CCSAP: variants seen among roughly 807,000 people sequenced by gnomAD.
The protein encoded by CCSAP is centriole, cilia and spindle associated protein.
In CCSAP, 17 loss-of-function variants were observed where a neutral mutation model predicts 25.9. The ratio of observed to expected loss-of-function variants is 0.66; its 90% CI spans 0.45 to 0.99. The LOEUF is 0.99. Among genes scored for constraint, CCSAP ranks in the 50% least tolerant of loss-of-function variants. The pLI, the probability that CCSAP is intolerant of heterozygous loss-of-function variation, is 0.00. For missense variants in CCSAP, 339 were observed against 367.8 expected (o/e 0.92, Z 0.64); for synonymous variants, 169 against 157.1 (o/e 1.08, Z -0.57).
At chr1:229,333,332 C>T (rs2102695772) in intron 2 of CCSAP, among the ~76,000 whole-genome samples, 2 of 147,864 alleles carry the variant, frequency 1.4e-5, no homozygotes, top group South Asian at 4.2e-4. Context: ...ACTCCGGAGG[C>T]AGAGGCAGGA....
chr1:229,340,437 C>G (rs532976827), intron 2 of CCSAP: 1 of 716,410 alleles, frequency 1.4e-6, no homozygotes. Flanking sequence ...CATATCACAA[C>G]GCTGCCTAAA....
At chr1:229,338,388 G>A (rs921304983) in intron 2 of CCSAP, among the ~76,000 whole-genome samples, 1 of 152,162 alleles carries the variant, frequency 6.6e-6, no homozygotes, top group East Asian at 1.9e-4. Flanking sequence ...TACTGCACAT[G>A]TAAACTTTGC....
chr1:229,336,925 T>G (rs188917458), intron 2 of CCSAP, among the ~76,000 whole-genome samples: 1 of 152,184 alleles, frequency 6.6e-6, no homozygotes, highest in African/African-American at 2.4e-5. Context: ...AAAATTTCAA[T>G]AGAAATGTTG....
intron 2 of CCSAP, among the ~76,000 whole-genome samples, chr1:229,337,096 A>C (rs1022117591): frequency 3.9e-5 from 6 of 152,190 alleles, no homozygotes; most frequent in Non-Finnish European, 5.9e-5. Flanking sequence ...TGGAGCAGAG[A>C]AAATTATTTT....
chr1:229,337,678 A>AATATATATATATATATATAT (rs60399703), intron 2 of CCSAP, among the ~76,000 whole-genome samples: 1 of 65,548 alleles, frequency 1.5e-5, no homozygotes, highest in Non-Finnish European at 3.1e-5. Flanking sequence ...CTCAAAAAAA[A>AATATATATATATATATATAT]ATATATATAT....
At chr1:229,331,927 G>A (rs958499516) in intron 2 of CCSAP, among the ~76,000 whole-genome samples, 1 of 151,758 alleles carries the variant, frequency 6.6e-6, no homozygotes, top group Non-Finnish European at 1.5e-5. Flanking sequence ...GGGATTACAG[G>A]TGTGTGCTGG....
At chr1:229,332,845 C>T (rs1481124108) in intron 2 of CCSAP, among the ~76,000 whole-genome samples, 2 of 152,106 alleles carry the variant, frequency 1.3e-5, no homozygotes, top group African/African-American at 4.8e-5. Context: ...GAGAACACGC[C>T]CATCATCACA....
In CCSAP at chr1:229,339,954, G is replaced by GA. The variant is rs570519466; in HGVS notation, c.367+2144dup. ...AAGTCAATAGATAATGTTAAAAACT[G>GA]AAAAAAAACAATCACATGTCAATAA... On this transcript the variant is annotated intron_variant, in intron 2 of 3. Transcript: ENST00000284617. 2.4e-3 allele frequency among the ~76,000 whole-genome samples: 362 copies of GA among 151,268 alleles called. 1 individual carries two copies. The highest frequency in any genetic ancestry group is 3.7e-3 in the Non-Finnish European group (250 of 67,782).
chr1:229,342,324 GC>G lies in CCSAP; in HGVS notation c.141del (p.Trp47CysfsTer39). The G allele has an allele frequency of 6.7e-7, 1 of 1,495,486 alleles. No homozygotes were observed. 92.6% of individuals were successfully genotyped at this position (1,495,486 alleles called of 1,614,324 possible). On this transcript the variant is annotated frameshift_variant, in exon 2 of 4. Transcript: ENST00000284617. LOFTEE classifies it high-confidence loss of function. This position sits in a 1 kb window ranked among gnomAD's most constrained non-coding sequence, Gnocchi z 7.5. ...CCGGCCGGGCCCCAGTCGTCCCAGA[GC>G]CAGGGCGCGTGCGCCTGCTCCAGCA... Reference protein sequence around the residue: ...RRLLEQAHAPWLWDDWGPAGS... With the variant: ...RRLLEQAHAPXLWDDWGPAGS...
chr1:229,325,713 C>T (rs372248014), intron 3 of CCSAP, among the ~76,000 whole-genome samples: 41 of 152,276 alleles, frequency 2.7e-4, no homozygotes, highest in African/African-American at 9.1e-4. Context: ...GAAAACTGTC[C>T]GAACTGCTTA....
Position 229,342,974 on chromosome 1 carries a change from G to C in CCSAP, c.-111C>G, listed in dbSNP as rs1658379821. Reference sequence around the variant, plus strand: ...GGCCCGAGGCGCGCGTGGCGCAGCAGCTAAAGCGCAGCTCGCTCTCCCGCG... The same window carrying C: ...GGCCCGAGGCGCGCGTGGCGCAGCACCTAAAGCGCAGCTCGCTCTCCCGCG... On this transcript the variant is annotated 5_prime_UTR_variant, in exon 1 of 4. Transcript: ENST00000284617. The surrounding 1 kb of genome is among the most constrained non-coding windows in gnomAD (Gnocchi z 7.5). 6.6e-6 allele frequency: 1 copy of C among 152,554 alleles called. No homozygotes were observed. The highest frequency in any genetic ancestry group is 1.5e-5 in the Non-Finnish European group (1 of 68,166). The allele number at this position is 152,554 out of a possible 1,614,324, so 9.5% of individuals were successfully genotyped here. A position where few individuals can be genotyped will look rare whatever the true frequency, so the allele number is the denominator to read the frequency against.
intron 2 of CCSAP, among the ~76,000 whole-genome samples, chr1:229,336,748 T>C (rs1489708841): frequency 6.6e-6 from 1 of 152,196 alleles, no homozygotes; most frequent in Non-Finnish European, 1.5e-5. Context: ...AGGCAGGGAA[T>C]GGAAGACAGC....
chr1:229,328,567 A>C (rs917570591), intron 2 of CCSAP, among the ~76,000 whole-genome samples: 9 of 152,174 alleles, frequency 5.9e-5, no homozygotes, highest in African/African-American at 1.9e-4. Context: ...TCGGCCTCCC[A>C]AAGTGCTGGG....
At position 229,322,263 on chromosome 1, in the gene CCSAP, A is replaced by C. The variant is rs965001706; in HGVS notation, c.*2972T>G. 1.3e-5 allele frequency: 2 copies of C among 152,254 alleles called. No homozygotes were observed. The highest frequency in any genetic ancestry group is 4.8e-5 in the African/African-American group (2 of 41,470). 9.4% of individuals were successfully genotyped at this position (152,254 alleles called of 1,614,324 possible). On this transcript the variant is annotated 3_prime_UTR_variant, in exon 4 of 4. Coordinates refer to ENST00000284617, the MANE Select transcript of CCSAP (RefSeq NM_145257.5). ...TATCTTCTGGAAGTTATGGCTTCCA[A>C]TAACAGCCATCTTGCTTGCTCTCGT...
intron 3 of CCSAP, 48 bp from the exon 4 acceptor site, chr1:229,325,459 C>G (rs1571849080): frequency 1.3e-6 from 2 of 1,561,462 alleles, no homozygotes; most frequent in Non-Finnish European, 1.7e-6. Flanking sequence ...GGCTATTATA[C>G]TAATGTTCAA....
In CCSAP at chr1:229,342,404, T is replaced by G. The variant is rs1658360093; in HGVS notation, c.62A>C (p.Glu21Ala). The G allele has an allele frequency of 6.8e-7, 1 of 1,467,180 alleles. No homozygotes were observed. The highest frequency in any genetic ancestry group is 1.5e-5 in the African/African-American group (1 of 68,778). 90.9% of individuals were successfully genotyped at this position (1,467,180 alleles called of 1,614,324 possible). A position where few individuals can be genotyped will look rare whatever the true frequency, so the allele number is the denominator to read the frequency against. The change falls in exon 2 of 4, where the codon GAG becomes GCG. Residue 21 changes from glutamate (E) to alanine (A), a missense_variant. Glu to Ala is a moderately radical substitution (Grantham distance 107). Transcript: ENST00000284617. This position sits in a 1 kb window ranked among gnomAD's most constrained non-coding sequence, Gnocchi z 7.5. ...CTCGCGGTAGCACGGCCCGTACTCC[T>G]CCCAGCGCGGCTCCTGGTAGCGCTT... Reference protein sequence around the residue: ...YMKRYQEPRWEEYGPCYRELL... With the variant: ...YMKRYQEPRWAEYGPCYRELL...
intron 2 of CCSAP, among the ~76,000 whole-genome samples, chr1:229,333,817 G>C (rs1658137200): frequency 6.6e-6 from 1 of 151,772 alleles, no homozygotes; most frequent in East Asian, 1.9e-4. Context: ...GGAGGCAGAG[G>C]TTGCAATGAG....
At chr1:229,333,572 C>G (rs1446554799) in intron 2 of CCSAP, among the ~76,000 whole-genome samples, 3 of 151,734 alleles carry the variant, frequency 2.0e-5, no homozygotes, top group East Asian at 2.0e-4. Context: ...CCCAGCCAAA[C>G]TGGACACTTT....
intron 2 of CCSAP, among the ~76,000 whole-genome samples, chr1:229,333,228 A>C (rs192961328): frequency 0.012 from 1,887 of 151,908 alleles, 14 homozygotes; most frequent in Middle Eastern, 0.017. Flanking sequence ...GTCAGGAGAT[A>C]GAGACCATCC....
Sources: gnomAD v4.1 joint callset for allele counts (sites outside exome capture counted in the v4.1 genomes callset) on GRCh38, gnomAD v4.1.1 for gene constraint, Gnocchi (gnomAD v3.1) non-coding constraint, MANE v1.5 for transcripts, NCBI Gene and HGNC (gene_info 2026-07-23, HGNC 2026-07-21) for gene names.